The following PDE4D variants were observed in gnomAD, a reference collection of about 807,000 sequenced individuals.
PDE4D encodes 3',5'-cyclic-AMP phosphodiesterase 4D.
Under a neutral mutation model 87.4 loss-of-function variants are expected in PDE4D, and 24 were observed. The observed-to-expected ratio is 0.27, with a 90% confidence interval of 0.20 to 0.39. The LOEUF (loss-of-function observed/expected upper bound fraction) is 0.39. Ranked by LOEUF, PDE4D falls within the 10% of genes least tolerant of loss-of-function variation. The pLI is 1.00. For missense variants in PDE4D, 714 were observed against 1,041.0 expected (o/e 0.69, Z 4.32); for synonymous variants, 384 against 383.2 (o/e 1.00, Z -0.02).
intron 1 of PDE4D, among the ~76,000 whole-genome samples, chr5:59,257,288 C>T (rs974054458): frequency 1.8e-4 from 27 of 151,948 alleles, no homozygotes; most frequent in African/African-American, 6.3e-4. Context: ...GCTGATGGAA[C>T]CCATTCATAA....
At chr5:59,545,448 G>A (rs145691419) in intron 1 of PDE4D, among the ~76,000 whole-genome samples, 1 of 152,134 alleles carries the variant, frequency 6.6e-6, no homozygotes, top group Non-Finnish European at 1.5e-5. Flanking sequence ...ACAACCAGGA[G>A]CTTCTCAAGA....
intron 2 of PDE4D, among the ~76,000 whole-genome samples, chr5:60,054,696 A>G (rs1409418474): frequency 3.9e-5 from 6 of 152,140 alleles, no homozygotes; most frequent in Admixed American, 2.6e-4. Flanking sequence ...AAATAAGTTA[A>G]TTATAAACTA....
At chr5:59,852,862 G>T (rs1165291729) in intron 1 of PDE4D, among the ~76,000 whole-genome samples, 2 of 151,914 alleles carry the variant, frequency 1.3e-5, no homozygotes, top group Non-Finnish European at 2.9e-5. Flanking sequence ...TTTTAGGGGA[G>T]GTTTCCAGAT....
At chr5:59,882,812 C>T (rs1467957716) in intron 1 of PDE4D, among the ~76,000 whole-genome samples, 1 of 148,480 alleles carries the variant, frequency 6.7e-6, no homozygotes, top group Non-Finnish European at 1.5e-5. Context: ...GAGGATCACT[C>T]TGTTGCTCAT....
intron 1 of PDE4D, among the ~76,000 whole-genome samples, chr5:59,611,453 T>C (rs1828995709): frequency 6.6e-6 from 1 of 152,150 alleles, no homozygotes; most frequent in South Asian, 2.1e-4. Flanking sequence ...ATGGCTCATG[T>C]TCTCTCCCCT....
intron 1 of PDE4D, among the ~76,000 whole-genome samples, chr5:59,770,411 A>G (rs1763320578): frequency 6.6e-6 from 1 of 152,222 alleles, no homozygotes; most frequent in Non-Finnish European, 1.5e-5. Context: ...CAGATGCAGA[A>G]AAGTACAATG....
intron 5 of PDE4D, among the ~76,000 whole-genome samples, chr5:59,174,837 C>A (rs766340036): frequency 6.6e-6 from 1 of 152,088 alleles, no homozygotes; most frequent in East Asian, 1.9e-4. Flanking sequence ...CTAAGCAGCA[C>A]CCTCTCTCAC....
chr5:58,973,240 G>A lies in PDE4D; in HGVS notation c.*1424C>T, dbSNP rs1182157957. The A allele has an allele frequency of 2.0e-5, 3 of 152,162 alleles. No homozygotes were observed. The highest frequency in any genetic ancestry group is 2.9e-5 in the Non-Finnish European group (2 of 68,020). The allele number at this position is 152,162 out of a possible 1,614,324, so 9.4% of individuals were successfully genotyped here. ...TAAACCAAGAGTAAAAGCTAGTCAT[G>A]ATATACAACCTCGTGGTTGAAATGA... is the stretch of plus-strand genomic sequence containing the variant. On this transcript the variant is annotated 3_prime_UTR_variant, in exon 15 of 15. Coordinates refer to ENST00000340635, the MANE Select transcript of PDE4D (RefSeq NM_001104631.2).
chr5:59,132,561 T>G lies in PDE4D; in HGVS notation c.808+48034A>C, dbSNP rs1397353131. Among the ~76,000 whole-genome samples, 8 of 152,358 alleles carry G rather than the reference T, an allele frequency of 5.3e-5. No homozygotes were observed. The South Asian group carries it at 1.0e-3, about 20-fold the overall frequency. On this transcript the variant is annotated intron_variant, in intron 5 of 14. Coordinates refer to ENST00000340635, the MANE Select transcript of PDE4D (RefSeq NM_001104631.2). ...TCAAATTTAATTTTTTATTACAGTA[T>G]ATTTTCAGGTACAGTTTTAAAAATG...
At chr5:60,401,943 C>A (rs1741128671) in intron 1 of PDE4D, among the ~76,000 whole-genome samples, 1 of 152,142 alleles carries the variant, frequency 6.6e-6, no homozygotes, top group South Asian at 2.1e-4. Context: ...TGAAATGAAT[C>A]TCAATAAAAT....
At chr5:58,990,747 C>T (rs1471741164) in intron 9 of PDE4D, 57 bp downstream of exon 9, 10 of 906,546 alleles carry the variant, frequency 1.1e-5, no homozygotes, top group Non-Finnish European at 1.8e-5. Flanking sequence ...GCATAAGCTA[C>T]AGACTGGACA....
intron 1 of PDE4D, among the ~76,000 whole-genome samples, chr5:59,574,267 A>G (rs1822751811): frequency 6.8e-6 from 1 of 147,860 alleles, no homozygotes; most frequent in African/African-American, 2.5e-5. Flanking sequence ...TTTAACTATT[A>G]CATACATATG....
intron 1 of PDE4D, among the ~76,000 whole-genome samples, chr5:59,560,140 A>G (rs909730606): frequency 5.9e-5 from 9 of 152,230 alleles, no homozygotes; most frequent in Admixed American, 2.6e-4. Context: ...AGTTTAATCA[A>G]TCCATGAAAA....
intron 2 of PDE4D, among the ~76,000 whole-genome samples, chr5:60,097,614 A>G (rs568722772): frequency 6.6e-6 from 1 of 152,128 alleles, no homozygotes; most frequent in African/African-American, 2.4e-5. Flanking sequence ...ATACTTTAAG[A>G]CTGATACCTT....
At chr5:60,102,891 G>A (rs1776375873) in intron 2 of PDE4D, among the ~76,000 whole-genome samples, 1 of 151,462 alleles carries the variant, frequency 6.6e-6, no homozygotes, top group Non-Finnish European at 1.5e-5. Flanking sequence ...CTACAATCCT[G>A]CCAGGAAAAG....
At chr5:59,433,803 T>C (rs1460680855) in intron 1 of PDE4D, among the ~76,000 whole-genome samples, 1 of 152,094 alleles carries the variant, frequency 6.6e-6, no homozygotes, top group African/African-American at 2.4e-5. Context: ...TGAAAGCATC[T>C]GGAACATCAA....
At chr5:60,047,063 C>A (rs1769365548) in intron 2 of PDE4D, among the ~76,000 whole-genome samples, 1 of 152,122 alleles carries the variant, frequency 6.6e-6, no homozygotes, top group East Asian at 1.9e-4. Context: ...TTGGTCTATT[C>A]AGAGATTCAA....
At chr5:60,508,581 A>G (rs931709750) in intron 1 of PDE4D, among the ~76,000 whole-genome samples, 1 of 152,260 alleles carries the variant, frequency 6.6e-6, no homozygotes, top group Non-Finnish European at 1.5e-5. Context: ...ATGTTTACAG[A>G]GTTGATTCTT....
rs1743042128 is a variant in PDE4D at position 58,973,704 on chromosome 5, A to C, written c.*960T>G. On this transcript the variant is annotated 3_prime_UTR_variant, in exon 15 of 15. Coordinates refer to ENST00000340635, the MANE Select transcript of PDE4D (RefSeq NM_001104631.2). Reference sequence around the variant, plus strand: ...CACATAAAAGTATTATAGAACAAATAGTCACTTTGCACATGAAGAAAAACA... The same window carrying C: ...CACATAAAAGTATTATAGAACAAATCGTCACTTTGCACATGAAGAAAAACA... 2 of 152,668 alleles carry C rather than the reference A, an allele frequency of 1.3e-5. No individual in the cohort carries two copies. The highest frequency in any genetic ancestry group is 2.9e-5 in the Non-Finnish European group (2 of 68,052). 9.5% of individuals were successfully genotyped at this position (152,668 alleles called of 1,614,324 possible). A position where few individuals can be genotyped will look rare whatever the true frequency, so the allele number is the denominator to read the frequency against.
Sources: gnomAD v4.1 joint callset for allele counts (sites outside exome capture counted in the v4.1 genomes callset) on GRCh38, gnomAD v4.1.1 for gene constraint, MANE v1.5 for transcripts, NCBI Gene and HGNC (gene_info 2026-07-23, HGNC 2026-07-21) for gene names.